TENM4: variants seen among roughly 807,000 people sequenced by gnomAD.
TENM4 encodes the protein teneurin-4.
A neutral mutation model predicts 243.3 loss-of-function variants in TENM4; 82 were observed. The ratio of observed to expected loss-of-function variants is 0.34; its 90% CI spans 0.28 to 0.40. The LOEUF is 0.40. Ranked by LOEUF, TENM4 falls within the 10% of genes least tolerant of loss-of-function variation. TENM4 has a pLI of 1.00. For synonymous variants in TENM4, 1,412 were observed against 1,456.3 expected (o/e 0.97, Z 0.69); for missense variants, 3,138 against 3,673.3 (o/e 0.85, Z 3.77).
chr11:79,354,053 A>T (rs1857458475), intron 1 of TENM4, among the ~76,000 whole-genome samples: 1 of 152,198 alleles, frequency 6.6e-6, no homozygotes, highest in South Asian at 2.1e-4. Flanking sequence ...CTAAATGCAG[A>T]CCCATTGTTT....
chr11:78,799,358 C>T (rs1403621935), intron 15 of TENM4, among the ~76,000 whole-genome samples: 1 of 152,192 alleles, frequency 6.6e-6, no homozygotes, highest in African/African-American at 2.4e-5. Context: ...TCTGAGAGAG[C>T]AAGTGAGTTG....
intron 2 of TENM4, among the ~76,000 whole-genome samples, chr11:79,297,073 G>C (rs911859782): frequency 2.0e-5 from 3 of 152,228 alleles, no homozygotes; most frequent in African/African-American, 7.2e-5. Context: ...TGCAGGACTT[G>C]AGCCCAGAAC....
At chr11:78,667,035 T>C (rs923319032) in intron 32 of TENM4, among the ~76,000 whole-genome samples, 15 of 152,196 alleles carry the variant, frequency 9.9e-5, no homozygotes, top group African/African-American at 2.4e-4. Context: ...AGGAAACTCA[T>C]TGGAGAGTGA....
At chr11:79,204,070 C>T (rs1015999582) in intron 3 of TENM4, among the ~76,000 whole-genome samples, 2 of 152,164 alleles carry the variant, frequency 1.3e-5, no homozygotes, top group East Asian at 1.9e-4. Flanking sequence ...CTAGACCTGG[C>T]CAAAGCAGGG....
chr11:79,112,123 G>A (rs1236950603), intron 4 of TENM4, among the ~76,000 whole-genome samples: 3 of 152,064 alleles, frequency 2.0e-5, no homozygotes, highest in Admixed American at 2.0e-4. Flanking sequence ...CCATGAACAC[G>A]TTCCGCCATC....
chr11:78,757,213 TAGA>T (rs1856332123), intron 18 of TENM4, among the ~76,000 whole-genome samples, 192 bp from the exon 19 acceptor site: 1 of 152,262 alleles, frequency 6.6e-6, no homozygotes, highest in Admixed American at 6.5e-5. Flanking sequence ...CTCACTAGTC[TAGA>T]AGGAGAGATA....
intron 4 of TENM4, among the ~76,000 whole-genome samples, chr11:79,130,700 G>A (rs1861985626): frequency 6.6e-6 from 1 of 152,124 alleles, no homozygotes; most frequent in African/African-American, 2.4e-5. Flanking sequence ...ACAGGTGCCT[G>A]TGGTCCTAGC....
chr11:78,966,018 C>T (rs1857431149), intron 6 of TENM4, among the ~76,000 whole-genome samples: 1 of 151,916 alleles, frequency 6.6e-6, no homozygotes, highest in Non-Finnish European at 1.5e-5. Flanking sequence ...TATGAAAATG[C>T]ACTGCTGTAC....
intron 6 of TENM4, among the ~76,000 whole-genome samples, chr11:78,959,732 A>G (rs1038481688): frequency 6.6e-6 from 1 of 152,206 alleles, no homozygotes; most frequent in Non-Finnish European, 1.5e-5. Flanking sequence ...CAATGAGCAG[A>G]CAGCTGCAGG....
intron 29 of TENM4, among the ~76,000 whole-genome samples, chr11:78,683,962 T>C (rs1262748172): frequency 6.6e-6 from 1 of 152,188 alleles, no homozygotes; most frequent in Non-Finnish European, 1.5e-5. Flanking sequence ...ACTGCCCCCG[T>C]CTTCAGTAAG....
At chr11:79,229,494 C>T (rs1268884338) in intron 2 of TENM4, among the ~76,000 whole-genome samples, 1 of 152,152 alleles carries the variant, frequency 6.6e-6, no homozygotes, top group African/African-American at 2.4e-5. Context: ...CTTAAAACTC[C>T]CCTCAGAAGT....
intron 13 of TENM4, 85 bp downstream of exon 13, chr11:78,814,209 T>G: frequency 1.5e-6 from 2 of 1,332,146 alleles, no homozygotes; most frequent in Non-Finnish European, 2.1e-6. Context: ...GTGGGCTGGA[T>G]TCTGCACTTG....
At chr11:79,341,762 T>C (rs758167626) in intron 1 of TENM4, among the ~76,000 whole-genome samples, 2 of 152,156 alleles carry the variant, frequency 1.3e-5, no homozygotes, top group African/African-American at 2.4e-5. Context: ...ACTAGAACTT[T>C]TCATCAAACT....
chr11:79,199,278 G>T (rs1417870213), intron 3 of TENM4, among the ~76,000 whole-genome samples: 1 of 152,146 alleles, frequency 6.6e-6, no homozygotes, highest in African/African-American at 2.4e-5. Flanking sequence ...GATTAAATTT[G>T]CTAATTCATG....
intron 27 of TENM4, among the ~76,000 whole-genome samples, chr11:78,704,113 CTATA>C (rs772160605): frequency 3.2e-5 from 4 of 124,634 alleles, no homozygotes; most frequent in African/African-American, 6.2e-5. Context: ...GTGTGTGTGT[CTATA>C]TATATATATA....
chr11:79,315,095 G>T (rs975965291), intron 1 of TENM4, among the ~76,000 whole-genome samples: 2 of 152,210 alleles, frequency 1.3e-5, no homozygotes, highest in Non-Finnish European at 2.9e-5. Flanking sequence ...GAGTAATAGC[G>T]TGGGAGTAGG....
intron 1 of TENM4, among the ~76,000 whole-genome samples, chr11:79,378,852 C>T (rs944991878): frequency 6.7e-6 from 1 of 148,282 alleles, no homozygotes; most frequent in African/African-American, 2.5e-5. Flanking sequence ...CAATGCACTC[C>T]AGCCTGGGTG....
chr11:79,185,473 A>G (rs1591339622), intron 3 of TENM4, among the ~76,000 whole-genome samples: 1 of 152,192 alleles, frequency 6.6e-6, no homozygotes, highest in East Asian at 1.9e-4. Flanking sequence ...GCAGCATCCA[A>G]CAGGATAACT....
At chr11:78,778,656 A>C (rs1179375399) in intron 16 of TENM4, 28 bp from the exon 17 acceptor site, 1 of 1,609,588 alleles carries the variant, frequency 6.2e-7, no homozygotes, top group Non-Finnish European at 8.5e-7. Flanking sequence ...AGGACATTTA[A>C]GGTAGGATCC....
Sources: allele counts gnomAD v4.1 joint callset (sites outside exome capture counted in the v4.1 genomes callset), GRCh38; gene constraint gnomAD v4.1.1; transcripts MANE v1.5; gene names NCBI Gene and HGNC (gene_info 2026-07-23, HGNC 2026-07-21).